SLC38A6: variants seen among roughly 807,000 people sequenced by gnomAD.
SLC38A6 encodes the protein solute carrier family 38 member 6.
In SLC38A6, 73 loss-of-function variants were observed where a neutral mutation model predicts 65.0. The ratio of observed to expected loss-of-function variants is 1.12; its 90% CI spans 0.93 to 1.37. The LOEUF is 1.37. Among genes scored for constraint, SLC38A6 ranks in the 40% most tolerant of loss-of-function variants. The probability of loss-of-function intolerance (pLI) is 0.00; values close to 1 mark genes in which losing one functional copy is unlikely to be tolerated. For missense variants in SLC38A6, 561 were observed against 531.1 expected (o/e 1.06, Z -0.55); for synonymous variants, 183 against 178.8 (o/e 1.02, Z -0.19).
At chr14:61,021,912 A>G (rs1000702945) in intron 5 of SLC38A6, among the ~76,000 whole-genome samples, 6 of 152,086 alleles carry the variant, frequency 3.9e-5, no homozygotes, top group Non-Finnish European at 7.4e-5. Flanking sequence ...AGAACACTAG[A>G]TTGGAAGTCA....
chr14:61,054,804 A>G (rs933690138), downstream of SLC38A6, among the ~76,000 whole-genome samples: 1 of 152,134 alleles, frequency 6.6e-6, no homozygotes, highest in Non-Finnish European at 1.5e-5. Context: ...GTCATCTGCA[A>G]ACAGAGATAG....
intron 3 of SLC38A6, among the ~76,000 whole-genome samples, chr14:60,989,964 A>T (rs999858312): frequency 3.3e-5 from 5 of 151,582 alleles, no homozygotes; most frequent in African/African-American, 9.7e-5. Flanking sequence ...GAATTCTCTT[A>T]ATCTCCCCAT....
chr14:61,029,767 C>A (rs537788383), intron 5 of SLC38A6, among the ~76,000 whole-genome samples: 81 of 152,082 alleles, frequency 5.3e-4, no homozygotes, highest in Middle Eastern at 3.4e-3. Context: ...TATAGATGAA[C>A]CCTGTTAATA....
chr14:61,016,233 C>T (rs1414624380), intron 4 of SLC38A6, among the ~76,000 whole-genome samples: 2 of 152,028 alleles, frequency 1.3e-5, no homozygotes, highest in African/African-American at 4.8e-5. Flanking sequence ...AAAAGAGTAA[C>T]GATGACCTGT....
chr14:61,023,532 C>G (rs2040446831), intron 5 of SLC38A6, among the ~76,000 whole-genome samples: 1 of 149,296 alleles, frequency 6.7e-6, no homozygotes, highest in African/African-American at 2.5e-5. Flanking sequence ...AAGATCTCGC[C>G]ACTGAACTCC....
chr14:61,070,197 C>G (rs2043184410), intron 15 of SLC38A6, among the ~76,000 whole-genome samples: 4 of 152,176 alleles, frequency 2.6e-5, no homozygotes, highest in Admixed American at 2.6e-4. Flanking sequence ...CCTAATTGAA[C>G]AGCAACTCCC....
At position 61,029,878 on chromosome 14, in the gene SLC38A6, T is replaced by A. The variant is rs571052554; in HGVS notation, c.404-567T>A. Among the ~76,000 whole-genome samples, 4 of 152,306 alleles carry A rather than the reference T, an allele frequency of 2.6e-5. No individual in the cohort carries two copies. In the South Asian group the frequency reaches 8.3e-4, roughly 32 times the overall value. The stretch of plus-strand genomic sequence containing the variant: ...AGAGACTAATTTTAAATGTAATTCA[T>A]TATGTATTCTTTTTTATCCTATAAT... On this transcript the variant is annotated intron_variant, in intron 5 of 15. Coordinates refer to ENST00000267488, the MANE Select transcript of SLC38A6 (RefSeq NM_153811.3).
At chr14:60,998,754 C>T (rs7151446) in intron 3 of SLC38A6, among the ~76,000 whole-genome samples, 6,159 of 152,198 alleles carry the variant, frequency 0.04, 185 homozygotes, top group African/African-American at 0.08. Context: ...AGCCCAAAAG[C>T]GCTCTCCCCG....
Position 61,046,067 on chromosome 14 carries a change from T to G in SLC38A6, c.825T>G (p.Ser275Arg), listed in dbSNP as rs1401301422. Reference protein sequence around the residue: ...SILPIYCELQSPSKKRMQNVT... With the variant: ...SILPIYCELQRPSKKRMQNVT... ...TACCTTTGTCATTTTTGTCTTTTAGTCCTTCAAAGAAAAGAATGCAGAATG... is the reference window on the plus strand; with the variant it reads ...TACCTTTGTCATTTTTGTCTTTTAGGCCTTCAAAGAAAAGAATGCAGAATG... Residue 275 changes from serine to arginine, a missense_variant and splice_region_variant, in exon 12 of 16, where the codon AGT (serine) becomes AGG (arginine). Transcript: ENST00000267488. The G allele has an allele frequency of 5.0e-6, 8 of 1,589,878 alleles. No homozygotes were observed. Among genetic ancestry groups the G allele is most frequent in the Non-Finnish European group, 6.0e-6 (7 of 1,161,206 alleles).
intron 15 of SLC38A6, among the ~76,000 whole-genome samples, chr14:61,066,757 AT>A (rs1450845245): frequency 1.3e-5 from 2 of 152,046 alleles, no homozygotes; most frequent in African/African-American, 4.8e-5. Context: ...AAAATACTAT[AT>A]TTTTTATCCG....
intron 3 of SLC38A6, among the ~76,000 whole-genome samples, chr14:61,001,169 T>C (rs138472404): frequency 4.8e-4 from 73 of 152,142 alleles, no homozygotes; most frequent in African/African-American, 1.3e-3. Flanking sequence ...CAGCCGGGGA[T>C]TGGGGAGGGC....
intron 5 of SLC38A6, among the ~76,000 whole-genome samples, chr14:61,025,506 G>C (rs964885593): frequency 6.6e-6 from 1 of 152,074 alleles, no homozygotes; most frequent in Admixed American, 6.6e-5. Flanking sequence ...CTTAGAATAG[G>C]AGAGGTACAG....
rs1211619933 is a variant in SLC38A6 at position 60,981,368 on chromosome 14, C to T, written c.91C>T (p.Pro31Ser). Residue 31 changes from proline (P) to serine (S), a missense_variant, in exon 1 of 16, where the codon CCG (proline) becomes TCG (serine). Transcript: ENST00000267488. The stretch of plus-strand genomic sequence containing the variant: ...AGAAGCGGAGGCCGAAGAGTTGAGT[C>T]CGTTGCTAAGCAACGTAAGTGGGCT... ...PEEAEAEELS[P>S]LLSNELHRQR... 4.4e-6 allele frequency: 7 copies of T among 1,603,650 alleles called. No homozygotes were observed. The highest frequency in any genetic ancestry group is 6.0e-6 in the Non-Finnish European group (7 of 1,175,262).
At chr14:61,023,497 C>T (rs1209853421) in intron 5 of SLC38A6, among the ~76,000 whole-genome samples, 2 of 151,346 alleles carry the variant, frequency 1.3e-5, no homozygotes, top group Middle Eastern at 3.5e-3. Context: ...CGTTTAAACC[C>T]GGTAGACGGA....
At chr14:61,023,061 A>G (rs1374751021) in intron 5 of SLC38A6, among the ~76,000 whole-genome samples, 1 of 152,224 alleles carries the variant, frequency 6.6e-6, no homozygotes, top group Non-Finnish European at 1.5e-5. Flanking sequence ...GAAGAGCTCA[A>G]TAAGTAGTAT....
intron 3 of SLC38A6, among the ~76,000 whole-genome samples, chr14:61,004,008 G>A (rs1355316996): frequency 1.3e-5 from 2 of 152,056 alleles, no homozygotes; most frequent in Non-Finnish European, 2.9e-5. Context: ...GACCCAGGGA[G>A]CAAGTTTGAG....
At chr14:60,998,712 G>T (rs1033935986) in intron 3 of SLC38A6, among the ~76,000 whole-genome samples, 2 of 152,192 alleles carry the variant, frequency 1.3e-5, no homozygotes, top group Non-Finnish European at 1.5e-5. Flanking sequence ...GGAGTTGCAG[G>T]CATGTATTCC....
At chr14:61,048,635 A>G (rs1230851061) in intron 12 of SLC38A6, among the ~76,000 whole-genome samples, 4 of 152,228 alleles carry the variant, frequency 2.6e-5, no homozygotes, top group African/African-American at 9.6e-5. Context: ...TTCAAGATTC[A>G]GGAGCTGCTT....
chr14:61,010,074 C>G (rs1566643715), intron 3 of SLC38A6, among the ~76,000 whole-genome samples: 3 of 152,232 alleles, frequency 2.0e-5, no homozygotes, highest in Admixed American at 1.3e-4. Context: ...GATTGCCATT[C>G]TAACTGGTGT....
Sources: gnomAD v4.1 joint callset for allele counts (sites outside exome capture counted in the v4.1 genomes callset) on GRCh38, gnomAD v4.1.1 for gene constraint, MANE v1.5 for transcripts, NCBI Gene and HGNC (gene_info 2026-07-23, HGNC 2026-07-21) for gene names.